The following SPAG7 variants were observed in gnomAD, a reference collection of about 807,000 sequenced individuals.
SPAG7 encodes sperm associated antigen 7, also known as sperm-associated antigen 7.
Under a neutral mutation model 30.6 loss-of-function variants are expected in SPAG7, and 20 were observed. That is an observed-to-expected ratio of 0.65 (90% CI 0.46 to 0.95). The LOEUF is 0.95. Ranked by LOEUF, SPAG7 falls within the 40% of genes least tolerant of loss-of-function variation. SPAG7 has a pLI of 0.00. For synonymous variants in SPAG7, 127 were observed against 104.2 expected, an observed-to-expected ratio of 1.22 and a Z score of -1.33; for missense variants, 276 against 291.1, an observed-to-expected ratio of 0.95 and a Z score of 0.38.
At position 4,959,510 on chromosome 17, in the gene SPAG7, G is replaced by A. The variant is rs754793080; in HGVS notation, c.*24C>T. The A allele has an allele frequency of 4.4e-6, 7 of 1,595,860 alleles. No homozygotes were observed. The African/African-American group carries it at 8.0e-5, about 18-fold the overall frequency. Reference sequence around the variant, plus strand: ...CCCTGCCCCCTGCCCTGCCCCAGGGGTCAAAGGGAGCTGGGCGGGGCGCCT... The same window carrying A: ...CCCTGCCCCCTGCCCTGCCCCAGGGATCAAAGGGAGCTGGGCGGGGCGCCT... On this transcript the variant is annotated 3_prime_UTR_variant, in exon 7 of 7. Transcript: ENST00000206020.
chr17:4,960,199 G>T (rs1002784460), intron 4 of SPAG7, 35 bp downstream of exon 4: 1 of 1,606,874 alleles, frequency 6.2e-7, no homozygotes, highest in African/African-American at 1.3e-5. Context: ...GGCTACAAAG[G>T]GGAGAGGAGA....
chr17:4,965,565 G>T (rs1971935888), intron 1 of SPAG7, among the ~76,000 whole-genome samples: 1 of 151,912 alleles, frequency 6.6e-6, no homozygotes, highest in African/African-American at 2.4e-5. Context: ...GGAGGGCAGG[G>T]ACCCTGTTGA....
chr17:4,967,551 T>C (rs916624111), intron 1 of SPAG7, among the ~76,000 whole-genome samples, 169 bp downstream of exon 1: 6 of 151,684 alleles, frequency 4.0e-5, no homozygotes, highest in African/African-American at 9.7e-5. Context: ...CCAATCACTG[T>C]CCGCTAAGAA....
At chr17:4,966,583 C>G (rs1439161573) in intron 1 of SPAG7, 5 of 985,246 alleles carry the variant, frequency 5.1e-6, no homozygotes, top group Middle Eastern at 5.2e-4. Flanking sequence ...CTTTGCTTCT[C>G]TCTCTCATTT....
At chr17:4,966,966 C>T (rs1971965352) in intron 1 of SPAG7, 1 of 985,420 alleles carries the variant, frequency 1.0e-6, no homozygotes. Flanking sequence ...CAAGCTGCAA[C>T]ACGAGCAGCC....
intron 1 of SPAG7, chr17:4,966,405 C>T (rs983097510): frequency 1.9e-5 from 4 of 212,134 alleles, no homozygotes; most frequent in African/African-American, 9.4e-5. Context: ...ACTTACCAAA[C>T]TAACCATGTG....
chr17:4,960,325 T>A lies in SPAG7; in HGVS notation c.243-7A>T, dbSNP rs1971841079. 6.2e-7 allele frequency: 1 copy of A among 1,613,912 alleles called. No individual in the cohort carries two copies. The highest frequency in any genetic ancestry group is 1.3e-5 in the African/African-American group (1 of 74,906). ...CACTTCCACCACATCATGTCTGGGA[T>A]GGGATGGCAGAGGGGAAAGAGCATC... On this transcript the variant is annotated splice_polypyrimidine_tract_variant and splice_region_variant and intron_variant, in intron 3 of 6. Coordinates refer to ENST00000206020, the MANE Select transcript of SPAG7 (RefSeq NM_004890.3).
rs1195175445 is a variant in SPAG7, at chr17:4,959,458, G to A, written c.*76C>T. ...GGTTCAGAGGTGGGGCTCCAGGATGGGCTCTAATAGCAGCAGCCTTGTCTC... is the reference window on the plus strand; with the variant it reads ...GGTTCAGAGGTGGGGCTCCAGGATGAGCTCTAATAGCAGCAGCCTTGTCTC... On this transcript the variant is annotated 3_prime_UTR_variant, in exon 7 of 7. Transcript: ENST00000206020. 6 of 1,182,450 alleles carry A rather than the reference G, an allele frequency of 5.1e-6. No individual in the cohort carries two copies. Among genetic ancestry groups the A allele is most frequent in the East Asian group, 4.7e-5 (2 of 42,714 alleles). 73.2% of individuals were successfully genotyped at this position (1,182,450 alleles called of 1,614,324 possible).
In SPAG7 at chr17:4,960,013, A is replaced by G. The variant is rs1971834874; in HGVS notation, c.417+9T>C. On this transcript the variant is annotated intron_variant, in intron 5 of 6. Coordinates refer to ENST00000206020, the MANE Select transcript of SPAG7 (RefSeq NM_004890.3). ...TTCTGGACCCCAAGGGCTGCAAAGC[A>G]TAGCTCACCTTCAGCTTCCGCTTCT... is the stretch of plus-strand genomic sequence containing the variant. 2 of 1,613,948 alleles carry G rather than the reference A, an allele frequency of 1.2e-6. No individual in the cohort carries two copies. Among genetic ancestry groups the G allele is most frequent in the Non-Finnish European group, 1.7e-6 (2 of 1,179,980 alleles).
chr17:4,967,672 T>A, intron 1 of SPAG7, 48 bp downstream of exon 1: 1 of 1,416,374 alleles, frequency 7.1e-7, no homozygotes, highest in Admixed American at 1.7e-5. Context: ...AGAAGTATGG[T>A]CCCGAGAACC....
chr17:4,960,702 G>T, intron 2 of SPAG7, 84 bp downstream of exon 2: 2 of 1,465,698 alleles, frequency 1.4e-6, no homozygotes, highest in Non-Finnish European at 1.9e-6. Flanking sequence ...GACATTTTCA[G>T]CAAAACTGAG....
rs978888562 is a variant in SPAG7, at chr17:4,966,614, C to T, written c.85+1106G>A. ...CATTTACGGAATTACCTGTTCTGAT[C>T]TCGGCTCACTGCAGATTGGGGGAGA... On this transcript the variant is annotated intron_variant, in intron 1 of 6. Coordinates refer to ENST00000206020, the MANE Select transcript of SPAG7 (RefSeq NM_004890.3). The T allele has an allele frequency of 4.2e-5, 41 of 985,444 alleles. No individual in the cohort carries two copies. In the African/African-American group the frequency reaches 5.8e-4, roughly 14 times the overall value. 61.0% of individuals were successfully genotyped at this position (985,444 alleles called of 1,614,324 possible).
At position 4,959,484 on chromosome 17, in the gene SPAG7, T is replaced by G; in HGVS notation, c.*50A>C. On this transcript the variant is annotated 3_prime_UTR_variant, in exon 7 of 7. Transcript: ENST00000206020. Reference sequence around the variant, plus strand: ...GCTCTAATAGCAGCAGCCTTGTCTCTCCCTGCCCCCTGCCCTGCCCCAGGG... The same window carrying G: ...GCTCTAATAGCAGCAGCCTTGTCTCGCCCTGCCCCCTGCCCTGCCCCAGGG... 6.8e-7 allele frequency: 1 copy of G among 1,478,318 alleles called. No homozygotes were observed. Among genetic ancestry groups the G allele is most frequent in the South Asian group, 1.1e-5 (1 of 88,414 alleles). The allele number at this position is 1,478,318 out of a possible 1,614,324, so 91.6% of individuals were successfully genotyped here. A position where few individuals can be genotyped will look rare whatever the true frequency, so the allele number is the denominator to read the frequency against.
At position 4,959,894 on chromosome 17, in the gene SPAG7, T is replaced by G. The variant is rs374314720; in HGVS notation, c.440A>C (p.Glu147Ala). 2 of 1,613,568 alleles carry G rather than the reference T, an allele frequency of 1.2e-6. No homozygotes were observed. The highest frequency in any genetic ancestry group is 1.7e-6 in the Non-Finnish European group (2 of 1,179,984). The change falls in exon 6 of 7, where the codon GAG becomes GCG. Residue 147 changes from glutamate to alanine, a missense_variant. By Grantham distance (107) the Glu-to-Ala change is moderately radical. Transcript: ENST00000206020. ...KLKELAQRQE[E>A]EAAQQGPVVV... ...CACAGGCCCCTGCTGGGCTGCCTCC[T>G]CCTCTTGCCTCTGGGCCAGCTCCTA...
intron 1 of SPAG7, among the ~76,000 whole-genome samples, chr17:4,962,691 G>C (rs1052448694): frequency 6.6e-6 from 1 of 151,916 alleles, no homozygotes; most frequent in African/African-American, 2.4e-5. Context: ...TGTCACCCAG[G>C]CTGGGTGCAA....
At chr17:4,965,665 T>A (rs1337144799) in intron 1 of SPAG7, among the ~76,000 whole-genome samples, 3 of 152,004 alleles carry the variant, frequency 2.0e-5, no homozygotes, top group Non-Finnish European at 4.4e-5. Context: ...GCGCATTTCA[T>A]CTTTTGTTGT....
chr17:4,959,296 A>G lies in SPAG7; in HGVS notation c.*238T>C, dbSNP rs538978598. On this transcript the variant is annotated 3_prime_UTR_variant, in exon 7 of 7. Coordinates refer to ENST00000206020, the MANE Select transcript of SPAG7 (RefSeq NM_004890.3). ...GGGGAAGAAAATTCCAAGAACGGGG[A>G]ATAATACAGATTAAATACCCACCTG... 1 of 574,216 alleles carries G rather than the reference A, an allele frequency of 1.7e-6. No homozygotes were observed. The highest frequency in any genetic ancestry group is 1.9e-5 in the African/African-American group (1 of 53,624). The allele number at this position is 574,216 out of a possible 1,614,324, so 35.6% of individuals were successfully genotyped here.
intron 2 of SPAG7, 118 bp downstream of exon 2, chr17:4,960,668 G>A: frequency 7.4e-7 from 1 of 1,351,082 alleles, no homozygotes; most frequent in Non-Finnish European, 1.1e-6. Flanking sequence ...CAAGCCACTG[G>A]CTTCCATGCG....
At position 4,966,597 on chromosome 17, in the gene SPAG7, G is replaced by A. The variant is rs947101092; in HGVS notation, c.85+1123C>T. The A allele has an allele frequency of 3.0e-6, 3 of 985,226 alleles. No individual in the cohort carries two copies. The African/African-American group carries it at 5.2e-5, about 17-fold the overall frequency. 61.0% of individuals were successfully genotyped at this position (985,226 alleles called of 1,614,324 possible). A position where few individuals can be genotyped will look rare whatever the true frequency, so the allele number is the denominator to read the frequency against. On this transcript the variant is annotated intron_variant, in intron 1 of 6. Coordinates refer to ENST00000206020, the MANE Select transcript of SPAG7 (RefSeq NM_004890.3). ...GCTTTGCTTCTCTCTCTCATTTACG[G>A]AATTACCTGTTCTGATCTCGGCTCA...
Sources: gnomAD v4.1 joint callset for allele counts (sites outside exome capture counted in the v4.1 genomes callset) on GRCh38, gnomAD v4.1.1 for gene constraint, MANE v1.5 for transcripts, NCBI Gene and HGNC (gene_info 2026-07-23, HGNC 2026-07-21) for gene names.